PRDM8: variants seen among roughly 807,000 people sequenced by gnomAD.
PRDM8 encodes the protein PR domain zinc finger protein 8.
Under a neutral mutation model 46.5 loss-of-function variants are expected in PRDM8, and 13 were observed. That is an observed-to-expected ratio of 0.28 (90% CI 0.18 to 0.44). PRDM8 has a LOEUF of 0.44. PRDM8 is among the 20% of genes least tolerant of loss of function. The probability of loss-of-function intolerance (pLI) is 1.00; values close to 1 mark genes in which losing one functional copy is unlikely to be tolerated. For missense variants in PRDM8, 998 were observed against 955.0 expected (o/e 1.04, Z -0.59); for synonymous variants, 473 against 438.4 (o/e 1.08, Z -0.98).
chr4:80,186,048 GGA>G (rs1737049862), intron 1 of PRDM8, among the ~76,000 whole-genome samples: 1 of 152,162 alleles, frequency 6.6e-6, no homozygotes, highest in Non-Finnish European at 1.5e-5. Flanking sequence ...CTGGCTGAAT[GGA>G]GAGATCCACT....
At chr4:80,197,043 G>A (rs937870452), upstream of PRDM8, 5 of 985,344 alleles carry the variant, frequency 5.1e-6, no homozygotes, top group Non-Finnish European at 4.8e-6. Flanking sequence ...GCGCAAATCA[G>A]CGGTGGCTCC....
chr4:80,203,440 C>T lies in PRDM8; in HGVS notation c.1978C>T (p.Arg660Trp), dbSNP rs769686863. 6.2e-7 allele frequency: 1 copy of T among 1,613,470 alleles called. No homozygotes were observed. Among genetic ancestry groups the T allele is most frequent in the African/African-American group, 1.3e-5 (1 of 75,018 alleles). The change falls in exon 4 of 4, where the codon CGG becomes TGG. Residue 660 changes from arginine to tryptophan, a missense_variant. By Grantham distance (101) the Arg-to-Trp change is moderately radical (BLOSUM62 -3). Transcript: ENST00000415738. ...GTATGCGATGGAGCCCTTGGTGAAG[C>T]GGCGGCGAGAGGAGAAACTCAAGTG... ...KEYAMEPLVK[R>W]RREEKLKCPI... is the part of the protein sequence containing the mutation.
At chr4:80,198,053 G>A (rs1475498416) in intron 1 of PRDM8, among the ~76,000 whole-genome samples, 1 of 152,210 alleles carries the variant, frequency 6.6e-6, no homozygotes, top group Admixed American at 6.5e-5. Flanking sequence ...CCGGCTCTGG[G>A]GTATATTCCC....
chr4:80,188,676 A>G (rs967217412), intron 1 of PRDM8, among the ~76,000 whole-genome samples: 1 of 152,142 alleles, frequency 6.6e-6, no homozygotes, highest in African/African-American at 2.4e-5. Context: ...CCCACAACTG[A>G]CCGCTATTAC....
rs766188088 is a variant in PRDM8 at position 80,203,151 on chromosome 4, G to A, written c.1689G>A (p.Pro563=). The change falls in exon 4 of 4, where the codon CCG becomes CCA. Residue 563 remains proline (P), a synonymous_variant. Coordinates refer to ENST00000415738, the MANE Select transcript of PRDM8 (RefSeq NM_001099403.2). ...ADLNGGCGSL[P]SGGGGLPKQS... ...TGAACGGAGGTTGCGGGTCCCTGCC[G>A]AGCGGCGGCGGCGGCCTGCCTAAGC... 23 of 1,546,140 alleles carry A rather than the reference G, an allele frequency of 1.5e-5. No homozygotes were observed. The highest frequency in any genetic ancestry group is 1.2e-4 in the Admixed American group (6 of 51,902).
chr4:80,187,093 A>G (rs1737153082), intron 1 of PRDM8, among the ~76,000 whole-genome samples: 1 of 152,156 alleles, frequency 6.6e-6, no homozygotes, highest in African/African-American at 2.4e-5. Context: ...CTTCTCACCA[A>G]TGTCTCCTTT....
upstream of PRDM8, among the ~76,000 whole-genome samples, chr4:80,194,558 G>A (rs1206112505): frequency 6.6e-6 from 1 of 152,014 alleles, no homozygotes; most frequent in Non-Finnish European, 1.5e-5. Context: ...TGTCATTTAG[G>A]ACATTTATAT....
intron 1 of PRDM8, among the ~76,000 whole-genome samples, chr4:80,188,096 G>A (rs1212709270): frequency 2.0e-5 from 3 of 152,130 alleles, no homozygotes; most frequent in Non-Finnish European, 2.9e-5. Flanking sequence ...TCTACCACAA[G>A]CTACTTCCTT....
Position 80,203,380 on chromosome 4 carries a change from C to A in PRDM8, c.1918C>A (p.Leu640Met). The change falls in exon 4 of 4, where the codon CTG becomes ATG. Residue 640 changes from leucine to methionine, a missense_variant. Transcript: ENST00000415738. ...TGCCTCCTTCCGCATGACCTCCGAC[C>A]TGGTGTACCATATGAGGTCGCACCA... ...CNASFRMTSDLVYHMRSHHKK... is the reference protein window; with the variant it reads ...CNASFRMTSDMVYHMRSHHKK... The A allele has an allele frequency of 6.2e-7, 1 of 1,614,078 alleles. No homozygotes were observed. Among genetic ancestry groups the A allele is most frequent in the Non-Finnish European group, 8.5e-7 (1 of 1,180,000 alleles).
intron 1 of PRDM8, among the ~76,000 whole-genome samples, chr4:80,187,772 T>C (rs192649125): frequency 3.2e-4 from 49 of 152,264 alleles, no homozygotes; most frequent in African/African-American, 1.1e-3. Context: ...TAGAGTAATG[T>C]CACCCCCCTT....
At chr4:80,201,673 CAGAT>C in intron 3 of PRDM8, 152 bp downstream of exon 3, 5 of 951,230 alleles carry the variant, frequency 5.3e-6, no homozygotes, top group Non-Finnish European at 7.9e-6. Flanking sequence ...TGAAGTTAAA[CAGAT>C]AGGTGAGGAT....
chr4:80,195,578 C>A (rs1578251658), upstream of PRDM8, among the ~76,000 whole-genome samples: 1 of 151,522 alleles, frequency 6.6e-6, no homozygotes, highest in South Asian at 2.1e-4. Flanking sequence ...TTCAATGGAG[C>A]AATCAGTCAG....
At chr4:80,190,679 T>G (rs1737475560) in intron 1 of PRDM8, among the ~76,000 whole-genome samples, 1 of 152,230 alleles carries the variant, frequency 6.6e-6, no homozygotes, top group African/African-American at 2.4e-5. Context: ...CACTAAGACA[T>G]GGGCACCGGA....
chr4:80,203,674 C>G lies in PRDM8; in HGVS notation c.*142C>G, dbSNP rs949589353. 17 of 1,391,126 alleles carry G rather than the reference C, an allele frequency of 1.2e-5. No homozygotes were observed. Among genetic ancestry groups the G allele is most frequent in the Middle Eastern group, 2.6e-4 (1 of 3,838 alleles). 86.2% of individuals were successfully genotyped at this position (1,391,126 alleles called of 1,614,324 possible). A position where few individuals can be genotyped will look rare whatever the true frequency, so the allele number is the denominator to read the frequency against. On this transcript the variant is annotated 3_prime_UTR_variant, in exon 4 of 4. Transcript: ENST00000415738. ...ATACATTCACCGCCCCCCCGCCCCC[C>G]CAACGCGCACACACACGTCCTCTCC...
chr4:80,196,180 A>G, upstream of PRDM8: 1 of 916,168 alleles, frequency 1.1e-6, no homozygotes, highest in Non-Finnish European at 1.3e-6. Flanking sequence ...AGGAAAAACA[A>G]CAACGAGGCT....
At chr4:80,188,148 C>T (rs1737268042) in intron 1 of PRDM8, among the ~76,000 whole-genome samples, 1 of 152,202 alleles carries the variant, frequency 6.6e-6, no homozygotes, top group African/African-American at 2.4e-5. Context: ...TGACATGCAT[C>T]TTTGCATCTT....
At chr4:80,198,200 C>T (rs1376235371) in intron 1 of PRDM8, among the ~76,000 whole-genome samples, 1 of 152,210 alleles carries the variant, frequency 6.6e-6, no homozygotes, top group Non-Finnish European at 1.5e-5. Context: ...AGGCTCGTGG[C>T]GCCTGGCGCT....
upstream of PRDM8, among the ~76,000 whole-genome samples, chr4:80,195,733 C>G (rs1042871154): frequency 6.6e-6 from 1 of 152,110 alleles, no homozygotes; most frequent in African/African-American, 2.4e-5. Context: ...TAAAACTGCA[C>G]TTCAAGAAGC....
At chr4:80,188,567 A>G (rs1737296176) in intron 1 of PRDM8, among the ~76,000 whole-genome samples, 1 of 152,168 alleles carries the variant, frequency 6.6e-6, no homozygotes, top group African/African-American at 2.4e-5. Context: ...CAGGTAGGAG[A>G]TTACAGACCC....
Sources: allele counts gnomAD v4.1 joint callset (sites outside exome capture counted in the v4.1 genomes callset), GRCh38; gene constraint gnomAD v4.1.1; transcripts MANE v1.5; gene names NCBI Gene and HGNC (gene_info 2026-07-23, HGNC 2026-07-21).